SLC36A1: variants seen among roughly 807,000 people sequenced by gnomAD.
SLC36A1 encodes the protein solute carrier family 36 member 1, also known as proton-coupled amino acid transporter 1.
In SLC36A1, 30 loss-of-function variants were observed where a neutral mutation model predicts 47.5. That is an observed-to-expected ratio of 0.63 (90% CI 0.47 to 0.86). The LOEUF (loss-of-function observed/expected upper bound fraction) is 0.86, where lower values mean the gene tolerates loss of function less well. Ranked by LOEUF, SLC36A1 falls within the 40% of genes least tolerant of loss-of-function variation. The probability of loss-of-function intolerance (pLI) is 0.00; values close to 1 mark genes in which losing one functional copy is unlikely to be tolerated. For missense variants in SLC36A1, 517 were observed against 606.0 expected, an observed-to-expected ratio of 0.85 and a Z score of 1.54; for synonymous variants, 255 against 249.7, an observed-to-expected ratio of 1.02 and a Z score of -0.20.
At chr5:151,406,274 G>T in the SLC36A1 span, among the ~76,000 whole-genome samples, 1 of 152,130 alleles carries the variant, frequency 6.6e-6, no homozygotes, top group East Asian at 1.9e-4. Context: ...AGCAGGCTTC[G>T]AAGTATGTCT....
At chr5:151,443,098 T>C (rs976737847), upstream of SLC36A1, among the ~76,000 whole-genome samples, 3 of 152,224 alleles carry the variant, frequency 2.0e-5, no homozygotes, top group African/African-American at 7.2e-5. Context: ...ACAATGAATA[T>C]GGGCATGCAG....
At chr5:151,512,550 G>A in the SLC36A1 span, 2 of 1,614,090 alleles carry the variant, frequency 1.2e-6, no homozygotes, top group South Asian at 1.1e-5. The surrounding 1 kb of genome is among the most constrained non-coding windows in gnomAD (Gnocchi z 4.1). Context: ...GGGAGGAAAG[G>A]TTTCCATAGA....
At chr5:151,451,975 A>G (rs1193276380) in intron 1 of SLC36A1, among the ~76,000 whole-genome samples, 1 of 152,172 alleles carries the variant, frequency 6.6e-6, no homozygotes, top group African/African-American at 2.4e-5. Context: ...TGGATGAGTC[A>G]GCCTTTGTGT....
chr5:151,519,251 G>A, the SLC36A1 span, among the ~76,000 whole-genome samples: 1 of 152,352 alleles, frequency 6.6e-6, no homozygotes, highest in South Asian at 2.1e-4. Flanking sequence ...GGCTGAGGCA[G>A]CAGACTTGCT....
chr5:151,442,995 A>C (rs943215278), upstream of SLC36A1, among the ~76,000 whole-genome samples: 2 of 152,142 alleles, frequency 1.3e-5, no homozygotes, highest in Non-Finnish European at 2.9e-5. Context: ...TTTTTTAGAA[A>C]AATGTTTGTA....
chr5:151,526,222 G>C, the SLC36A1 span, among the ~76,000 whole-genome samples: 1 of 152,200 alleles, frequency 6.6e-6, no homozygotes, highest in Non-Finnish European at 1.5e-5. Flanking sequence ...AGGATCCTTA[G>C]AGAACAAAGG....
chr5:151,390,481 C>T, the SLC36A1 span, among the ~76,000 whole-genome samples: 4 of 152,314 alleles, frequency 2.6e-5, no homozygotes, highest in South Asian at 8.3e-4. Context: ...AGTCCTTAGC[C>T]ATGCCTCTGT....
At chr5:151,477,694 TA>T (rs1485233930) in intron 9 of SLC36A1, 7 of 152,276 alleles carry the variant, frequency 4.6e-5, no homozygotes, top group African/African-American at 1.4e-4. Flanking sequence ...GTACAATGTG[TA>T]ATTATCAAAT....
the SLC36A1 span, among the ~76,000 whole-genome samples, chr5:151,416,150 A>G: frequency 6.6e-6 from 1 of 152,180 alleles, no homozygotes; most frequent in Non-Finnish European, 1.5e-5. Flanking sequence ...CACAGAGTCT[A>G]TCTGACTTTA....
the SLC36A1 span, among the ~76,000 whole-genome samples, chr5:151,421,579 TC>T: frequency 1.3e-5 from 2 of 148,510 alleles, no homozygotes; most frequent in Admixed American, 6.7e-5. Flanking sequence ...TTTCTTTCTT[TC>T]TTTTTTTTTT....
At chr5:151,480,176 T>A in intron 10 of SLC36A1, 1 of 895,842 alleles carries the variant, frequency 1.1e-6, no homozygotes, top group Non-Finnish European at 1.6e-6. Flanking sequence ...AGAGAACCCC[T>A]GAGCAAATCG....
At chr5:151,545,996 G>C in the SLC36A1 span, 1 of 1,614,138 alleles carries the variant, frequency 6.2e-7, no homozygotes, top group South Asian at 1.1e-5. Flanking sequence ...GTGGAAATAA[G>C]GCCAGAATAT....
the SLC36A1 span, among the ~76,000 whole-genome samples, chr5:151,425,072 C>G: frequency 6.6e-6 from 1 of 152,216 alleles, no homozygotes; most frequent in Non-Finnish European, 1.5e-5. Context: ...AGCAGCAGAG[C>G]TGGGGTGAAC....
the SLC36A1 span, among the ~76,000 whole-genome samples, chr5:151,374,984 A>G: frequency 6.6e-6 from 1 of 151,456 alleles, no homozygotes; most frequent in Non-Finnish European, 1.5e-5. Context: ...CATAGTTTGC[A>G]AATATTTTCT....
intron 10 of SLC36A1, among the ~76,000 whole-genome samples, chr5:151,483,141 G>A (rs1759035971): frequency 6.6e-6 from 1 of 152,218 alleles, no homozygotes; most frequent in Non-Finnish European, 1.5e-5. Flanking sequence ...CAGCACAGGA[G>A]CCATAAATGG....
At chr5:151,511,603 G>A in the SLC36A1 span, 4 of 155,456 alleles carry the variant, frequency 2.6e-5, no homozygotes, top group African/African-American at 9.7e-5. Flanking sequence ...AAATGTGAGT[G>A]CGTGTACATC....
the SLC36A1 span, among the ~76,000 whole-genome samples, chr5:151,392,214 T>C: frequency 4.6e-5 from 7 of 152,248 alleles, no homozygotes; most frequent in Non-Finnish European, 7.3e-5. Flanking sequence ...TATTCTCTGA[T>C]GGTAGTTGTA....
chr5:151,491,270 T>A lies in SLC36A1; in HGVS notation c.*3016T>A, dbSNP rs1487103416. ...GTCACCATTCACAAGTGGCATTATT[T>A]ATGTTGTGCTGCTGTCCAGCTGCTA... is the stretch of plus-strand genomic sequence containing the variant. On this transcript the variant is annotated 3_prime_UTR_variant, in exon 11 of 11. Coordinates refer to ENST00000243389, the MANE Select transcript of SLC36A1 (RefSeq NM_078483.4). 2 of 152,640 alleles carry A rather than the reference T, an allele frequency of 1.3e-5. No homozygotes were observed. The highest frequency in any genetic ancestry group is 6.5e-5 in the Admixed American group (1 of 15,276). 9.5% of individuals were successfully genotyped at this position (152,640 alleles called of 1,614,324 possible).
At chr5:151,391,018 T>A in the SLC36A1 span, among the ~76,000 whole-genome samples, 4 of 151,286 alleles carry the variant, frequency 2.6e-5, no homozygotes, top group Non-Finnish European at 5.9e-5. Context: ...ATTTTCACAA[T>A]ATTGATTCTT....
Sources: gnomAD v4.1 joint callset for allele counts (sites outside exome capture counted in the v4.1 genomes callset) on GRCh38, gnomAD v4.1.1 for gene constraint, Gnocchi (gnomAD v3.1) non-coding constraint, MANE v1.5 for transcripts, NCBI Gene and HGNC (gene_info 2026-07-23, HGNC 2026-07-21) for gene names.